Variants in ADGRV1 observed in about 807,000 individuals in gnomAD.
ADGRV1 encodes the protein adhesion G protein-coupled receptor V1.
In ADGRV1, 359 loss-of-function variants were observed where a neutral mutation model predicts 596.2. That is an observed-to-expected ratio of 0.60 (90% confidence interval 0.55 to 0.66). The LOEUF (loss-of-function observed/expected upper bound fraction) is 0.66. Ranked by LOEUF, ADGRV1 falls within the 30% of genes least tolerant of loss-of-function variation. ADGRV1 has a pLI of 0.00. For missense variants in ADGRV1, 7,274 were observed against 7,575.6 expected, an observed-to-expected ratio of 0.96 and a Z score of 1.48; for synonymous variants, 2,681 against 2,679.2, an observed-to-expected ratio of 1.00 and a Z score of -0.02.
At chr5:90,960,065 G>C (rs1022294168) in intron 83 of ADGRV1, among the ~76,000 whole-genome samples, 1 of 151,794 alleles carries the variant, frequency 6.6e-6, no homozygotes, top group Non-Finnish European at 1.5e-5. Flanking sequence ...CGTGAACCCA[G>C]GAGGTGGAGC....
intron 49 of ADGRV1, among the ~76,000 whole-genome samples, chr5:90,729,192 A>G (rs1752201067): frequency 6.6e-6 from 1 of 152,236 alleles, no homozygotes; most frequent in Non-Finnish European, 1.5e-5. Flanking sequence ...AAGTTGAAAG[A>G]TACATGAATA....
chr5:90,755,128 A>T lies in ADGRV1; in HGVS notation c.11523A>T (p.Thr3841=). The change falls in exon 55 of 90, where the codon ACA becomes ACT. Residue 3841 remains threonine, a synonymous_variant. Coordinates refer to ENST00000405460, the MANE Select transcript of ADGRV1 (RefSeq NM_032119.4). Reference sequence around the variant, plus strand: ...ATGAAGATTATGTATTGCAAGAAACAATAATAATAATGAAAGAAAACATAA... The same window carrying T: ...ATGAAGATTATGTATTGCAAGAAACTATAATAATAATGAAAGAAAACATAA... ...TENEDYVLQE[T]IIIMKENIKE... is the part of the protein sequence containing the mutation. 1 of 1,610,720 alleles carries T rather than the reference A, an allele frequency of 6.2e-7. No homozygotes were observed.
intron 85 of ADGRV1, among the ~76,000 whole-genome samples, chr5:91,031,825 G>T (rs547755760): frequency 6.6e-6 from 1 of 152,182 alleles, no homozygotes; most frequent in South Asian, 2.1e-4. Context: ...ATACCAGACT[G>T]TTCTAACTAA....
intron 82 of ADGRV1, among the ~76,000 whole-genome samples, chr5:90,857,129 A>G (rs1035120253): frequency 1.3e-5 from 2 of 152,152 alleles, no homozygotes; most frequent in Non-Finnish European, 2.9e-5. Flanking sequence ...TATTCTTAAT[A>G]TCTTTCATAA....
Position 90,690,907 on chromosome 5 carries a change from G to C in ADGRV1, c.6817G>C (p.Val2273Leu). Residue 2273 changes from valine (V) to leucine (L), a missense_variant, in exon 31 of 90, where the codon GTT (valine) becomes CTT (leucine). Val to Leu is a conservative substitution (Grantham distance 32). Coordinates refer to ENST00000405460, the MANE Select transcript of ADGRV1 (RefSeq NM_032119.4). ...ACTCGGCAATGTTACTGTTCAGTGG[G>C]TTGCCACCATTAATGGACAGCTTGC... ...GTLGNVTVQW[V>L]ATINGQLATG... The C allele has an allele frequency of 6.2e-7, 1 of 1,613,764 alleles. No homozygotes were observed. Among genetic ancestry groups the C allele is most frequent in the African/African-American group, 1.3e-5 (1 of 75,012 alleles).
intron 39 of ADGRV1, 49 bp from the exon 40 acceptor site, chr5:90,710,932 T>A (rs200890881): frequency 3.3e-5 from 37 of 1,110,438 alleles, no homozygotes; most frequent in East Asian, 2.6e-4. Flanking sequence ...ATCAAAAATA[T>A]TTTTAATCAT....
chr5:91,072,695 G>C, intron 86 of ADGRV1, 91 bp downstream of exon 86: 244 of 1,316,386 alleles, frequency 1.9e-4, no homozygotes, highest in Non-Finnish European at 2.3e-4. Flanking sequence ...AAAGAGGGAA[G>C]TTCGGCTCAT....
intron 83 of ADGRV1, among the ~76,000 whole-genome samples, chr5:90,928,212 T>C (rs913447125): frequency 1.1e-4 from 16 of 152,182 alleles, no homozygotes; most frequent in Non-Finnish European, 1.9e-4. Flanking sequence ...TCCTGGATAA[T>C]ATCCTGCAGA....
Position 90,755,778 on chromosome 5 carries a change from ATGT to A in ADGRV1, c.11580+598_11580+600del, listed in dbSNP as rs375660864. Among the ~76,000 whole-genome samples the A allele has an allele frequency of 8.0e-4, 119 of 148,880 alleles. 1 individual carries two copies. The highest frequency in any genetic ancestry group is 4.7e-3 in the East Asian group (24 of 5,148). On this transcript the variant is annotated intron_variant, in intron 55 of 89. Transcript: ENST00000405460. ...AATAATATTATAAAATAATAACAAA[ATGT>A]TGTTTTATATTATATAAATAGTATT...
At chr5:90,798,069 A>G (rs1459159932) in intron 70 of ADGRV1, among the ~76,000 whole-genome samples, 1 of 152,226 alleles carries the variant, frequency 6.6e-6, no homozygotes, top group African/African-American at 2.4e-5. Context: ...AGAAATAGCT[A>G]AGATCAGAGC....
intron 85 of ADGRV1, among the ~76,000 whole-genome samples, chr5:91,061,944 G>A (rs1787471974): frequency 6.6e-6 from 1 of 152,130 alleles, no homozygotes; most frequent in Non-Finnish European, 1.5e-5. Flanking sequence ...GTAGTTGCAG[G>A]TAAATCCACA....
intron 84 of ADGRV1, among the ~76,000 whole-genome samples, chr5:90,975,606 A>G (rs565773314): frequency 4.7e-4 from 72 of 152,310 alleles, no homozygotes; most frequent in African/African-American, 1.7e-3. Context: ...CACAAGGATG[A>G]AAAACCAAAC....
In ADGRV1 at chr5:91,072,526, G is replaced by A; in HGVS notation, c.18232G>A (p.Val6078Met). Residue 6078 changes from valine to methionine, a missense_variant, in exon 86 of 90, where the codon GTG becomes ATG. Physicochemically the swap from Val to Met is conservative, Grantham distance 21. Around this residue, in one of 5 missense-constraint regions of ADGRV1, gnomAD observed 1,874 missense variants for 1,970.2 expected, o/e 0.95. Coordinates refer to ENST00000405460, the MANE Select transcript of ADGRV1 (RefSeq NM_032119.4). Reference protein sequence around the residue: ...PLTCLVVVFVVFIHAYQVKPQ... With the variant: ...PLTCLVVVFVMFIHAYQVKPQ... ...GACGTGCCTCGTGGTGGTGTTCGTG[G>A]TGTTCATCCATGCCTACCAGGTGAA... The A allele has an allele frequency of 1.2e-6, 2 of 1,613,868 alleles. No individual in the cohort carries two copies. Among genetic ancestry groups the A allele is most frequent in the Admixed American group, 1.7e-5 (1 of 60,014 alleles).
intron 1 of ADGRV1, among the ~76,000 whole-genome samples, chr5:90,600,892 A>T (rs1017264991): frequency 3.9e-5 from 6 of 152,140 alleles, no homozygotes; most frequent in Admixed American, 2.6e-4. Context: ...AACAAAAATT[A>T]AAAAAAAGAT....
chr5:90,797,287 C>CAA (rs780696194), intron 70 of ADGRV1, among the ~76,000 whole-genome samples: 433 of 26,336 alleles, frequency 0.016, 8 homozygotes, highest in African/African-American at 0.032. Context: ...AAATGAAAAG[C>CAA]AAAAAAAAAA....
At chr5:91,119,312 C>G (rs1436847326) in intron 87 of ADGRV1, among the ~76,000 whole-genome samples, 1 of 152,196 alleles carries the variant, frequency 6.6e-6, no homozygotes, top group Non-Finnish European at 1.5e-5. Context: ...ACATAGGCAA[C>G]TGGGTTCCTG....
At position 90,618,033 on chromosome 5, in the gene ADGRV1, T is replaced by C. The variant is rs902894278; in HGVS notation, c.357+80T>C. On this transcript the variant is annotated intron_variant, in intron 3 of 89. Transcript: ENST00000405460. ...AAAAATCTTTTAGTGCTTAACAATC[T>C]ATCTATCTAGAGATGAGCCAATTCA... 4 of 1,124,752 alleles carry C rather than the reference T, an allele frequency of 3.6e-6. No homozygotes were observed. The African/African-American group carries it at 6.3e-5, about 18-fold the overall frequency. The allele number at this position is 1,124,752 out of a possible 1,614,324, so 69.7% of individuals were successfully genotyped here. A position where few individuals can be genotyped will look rare whatever the true frequency, so the allele number is the denominator to read the frequency against.
At chr5:91,139,046 C>T (rs1255745408) in intron 87 of ADGRV1, among the ~76,000 whole-genome samples, 2 of 152,228 alleles carry the variant, frequency 1.3e-5, no homozygotes, top group East Asian at 3.8e-4. Context: ...GCTGGGATTA[C>T]AGGCGTGAGC....
intron 83 of ADGRV1, among the ~76,000 whole-genome samples, chr5:90,937,773 T>TC (rs200324795): frequency 0.013 from 1,947 of 152,290 alleles, 49 homozygotes; most frequent in African/African-American, 0.044. Context: ...TGTATTTTTT[T>TC]CAGTTTTAAG....
Sources: allele counts gnomAD v4.1 joint callset (sites outside exome capture counted in the v4.1 genomes callset), GRCh38; gene constraint gnomAD v4.1.1; regional missense constraint gnomAD v4.1.1; transcripts MANE v1.5; gene names NCBI Gene and HGNC (gene_info 2026-07-23, HGNC 2026-07-21).